Variants in FSTL5 observed in about 807,000 individuals in gnomAD.
FSTL5 encodes the protein follistatin like 5, also known as follistatin-related protein 5.
Under a neutral mutation model 89.1 loss-of-function variants are expected in FSTL5, and 62 were observed. That is an observed-to-expected ratio of 0.70 (90% CI 0.57 to 0.86). The LOEUF is 0.86. Among genes scored for constraint, FSTL5 ranks in the 40% least tolerant of loss-of-function variants. FSTL5 has a pLI of 0.00. For synonymous variants in FSTL5, 383 were observed against 346.2 expected, an observed-to-expected ratio of 1.11 and a Z score of -1.18; for missense variants, 1,057 against 1,001.6, an observed-to-expected ratio of 1.06 and a Z score of -0.75.
intron 6 of FSTL5, among the ~76,000 whole-genome samples, chr4:161,684,446 TTGATTAC>T (rs765990362): frequency 6.6e-4 from 100 of 152,276 alleles, no homozygotes; most frequent in Non-Finnish European, 1.0e-3. Context: ...CTATTGTTTT[TTGATTAC>T]GGTCATTCTT....
intron 4 of FSTL5, among the ~76,000 whole-genome samples, chr4:161,824,289 T>A (rs944547719): frequency 6.6e-6 from 1 of 152,208 alleles, no homozygotes; most frequent in Non-Finnish European, 1.5e-5. Flanking sequence ...CATTTTATGC[T>A]TTTGTTGGCT....
chr4:162,086,707 T>C (rs760661948), intron 2 of FSTL5, among the ~76,000 whole-genome samples: 9 of 152,152 alleles, frequency 5.9e-5, no homozygotes, highest in Non-Finnish European at 8.8e-5. Context: ...ATCTGAGAGC[T>C]ATAGATTTGT....
At chr4:162,005,128 G>A (rs539874126) in intron 3 of FSTL5, among the ~76,000 whole-genome samples, 1 of 152,204 alleles carries the variant, frequency 6.6e-6, no homozygotes, top group South Asian at 2.1e-4. Context: ...GCTCCATTGT[G>A]TCCCATTTTT....
At chr4:161,408,109 G>A (rs549589208) in intron 15 of FSTL5, among the ~76,000 whole-genome samples, 1 of 152,224 alleles carries the variant, frequency 6.6e-6, no homozygotes, top group African/African-American at 2.4e-5. Flanking sequence ...GGGTTGTTTG[G>A]TAACAGTTTG....
In FSTL5 at chr4:161,801,788, T is replaced by A. The variant is rs182348179; in HGVS notation, c.410-25714A>T. On this transcript the variant is annotated intron_variant, in intron 4 of 15. Transcript: ENST00000306100. The stretch of plus-strand genomic sequence containing the variant: ...TCTACATAGTAGGCATTCTATCAAG[T>A]TTCTGGAACACCTGATGAGTTGTGA... 4.9e-4 allele frequency among the ~76,000 whole-genome samples: 75 copies of A among 151,698 alleles called. 1 individual carries two copies. In the East Asian group the frequency reaches 0.013, roughly 27 times the overall value.
chr4:161,910,375 T>C (rs1733656871), intron 4 of FSTL5, among the ~76,000 whole-genome samples: 1 of 152,172 alleles, frequency 6.6e-6, no homozygotes, highest in East Asian at 1.9e-4. Context: ...CTCATAAATA[T>C]ATGCCTTCCT....
rs560986356 is a variant in FSTL5 at position 161,756,379 on chromosome 4, A to G, written c.727+3032T>C. Among the ~76,000 whole-genome samples, 4 of 152,182 alleles carry G rather than the reference A, an allele frequency of 2.6e-5. No individual in the cohort carries two copies. The East Asian group carries it at 7.7e-4, about 29-fold the overall frequency. ...ATAAATTTGACCTAATGGCAGAATC[A>G]TTACTATATTCACTAAATTCATTGT... is the stretch of plus-strand genomic sequence containing the variant. On this transcript the variant is annotated intron_variant, in intron 6 of 15. Transcript: ENST00000306100.
At chr4:161,810,410 A>G (rs995216097) in intron 4 of FSTL5, among the ~76,000 whole-genome samples, 1 of 152,184 alleles carries the variant, frequency 6.6e-6, no homozygotes. Context: ...GGAAAAATGA[A>G]TGTTATAAAA....
chr4:161,472,307 T>C (rs773810520), intron 13 of FSTL5, among the ~76,000 whole-genome samples: 5 of 152,170 alleles, frequency 3.3e-5, no homozygotes, highest in Non-Finnish European at 7.3e-5. Context: ...GAACTAACTT[T>C]TGGTTTCAAT....
intron 15 of FSTL5, among the ~76,000 whole-genome samples, chr4:161,390,183 T>C (rs1304787882): frequency 1.3e-5 from 2 of 152,072 alleles, no homozygotes; most frequent in African/African-American, 4.8e-5. Flanking sequence ...CATGGAGCAG[T>C]AGGCTATGGG....
chr4:161,903,891 C>T (rs1733444019), intron 4 of FSTL5, among the ~76,000 whole-genome samples: 1 of 151,792 alleles, frequency 6.6e-6, no homozygotes, highest in Non-Finnish European at 1.5e-5. Context: ...TTTTTCAAGT[C>T]TTCAGTCCTT....
At position 161,427,875 on chromosome 4, in the gene FSTL5, CTGAACAACTATCAA is replaced by C. The variant is rs202206066; in HGVS notation, c.1841+27115_1841+27128del. Among the ~76,000 whole-genome samples, 284 of 152,272 alleles carry C rather than the reference CTGAACAACTATCAA, an allele frequency of 1.9e-3. 4 individuals are homozygous for C. Among genetic ancestry groups the C allele is most frequent in the East Asian group, 3.5e-3 (18 of 5,176 alleles). ...TTGTCCTCCCTACAGGAACACCAAACTGAACAACTATCAATACAAAATACCACCCTTTTAAAAGT... is the reference window on the plus strand; with the variant it reads ...TTGTCCTCCCTACAGGAACACCAAACTACAAAATACCACCCTTTTAAAAGT... On this transcript the variant is annotated intron_variant, in intron 15 of 15. Transcript: ENST00000306100.
chr4:161,668,737 T>C (rs2126695281), intron 6 of FSTL5, among the ~76,000 whole-genome samples: 1 of 152,240 alleles, frequency 6.6e-6, no homozygotes, highest in Admixed American at 6.5e-5. Flanking sequence ...AATGTACTCA[T>C]CACATCAACA....
chr4:162,021,888 C>T (rs1410967068), intron 3 of FSTL5, among the ~76,000 whole-genome samples: 1 of 151,856 alleles, frequency 6.6e-6, no homozygotes, highest in Admixed American at 6.6e-5. Context: ...GTCATAAGTT[C>T]AAGACCAGCC....
intron 4 of FSTL5, among the ~76,000 whole-genome samples, chr4:161,882,824 C>A (rs1286624965): frequency 1.3e-5 from 2 of 152,060 alleles, no homozygotes. Flanking sequence ...GAACCACAGA[C>A]CCCTTACATA....
At chr4:161,513,329 AG>A (rs1730716786) in intron 10 of FSTL5, among the ~76,000 whole-genome samples, 1 of 123,824 alleles carries the variant, frequency 8.1e-6, no homozygotes. Flanking sequence ...GAGGAGGAGG[AG>A]GAGGAGAAAG....
chr4:161,903,154 G>A (rs1468885628), intron 4 of FSTL5, among the ~76,000 whole-genome samples: 3 of 151,704 alleles, frequency 2.0e-5, no homozygotes, highest in African/African-American at 7.3e-5. Context: ...TTTTTTTCAT[G>A]TCATCCATTC....
At chr4:161,881,648 C>T (rs924769140) in intron 4 of FSTL5, among the ~76,000 whole-genome samples, 13 of 152,064 alleles carry the variant, frequency 8.5e-5, no homozygotes, top group African/African-American at 2.7e-4. Flanking sequence ...GTGCATTCTA[C>T]TAATAACAAG....
chr4:161,914,357 A>C (rs1733781683), intron 4 of FSTL5, among the ~76,000 whole-genome samples: 1 of 152,214 alleles, frequency 6.6e-6, no homozygotes, highest in Non-Finnish European at 1.5e-5. Context: ...TGAATGTTAA[A>C]GTTAATTCTT....
Sources: allele counts gnomAD v4.1 joint callset (sites outside exome capture counted in the v4.1 genomes callset), GRCh38; gene constraint gnomAD v4.1.1; transcripts MANE v1.5; gene names NCBI Gene and HGNC (gene_info 2026-07-23, HGNC 2026-07-21).